The following HHAT variants were observed in gnomAD, a reference collection of about 807,000 sequenced individuals.
HHAT encodes hedgehog acyltransferase.
A neutral mutation model predicts 70.8 loss-of-function variants in HHAT; 47 were observed. The observed-to-expected ratio is 0.66, with a 90% confidence interval of 0.53 to 0.85. HHAT has a LOEUF of 0.85. Ranked by LOEUF, HHAT falls within the 40% of genes least tolerant of loss-of-function variation. The pLI is 0.00. For synonymous variants in HHAT, 228 were observed against 247.6 expected, an observed-to-expected ratio of 0.92 and a Z score of 0.74; for missense variants, 609 against 604.8, an observed-to-expected ratio of 1.01 and a Z score of -0.07.
At chr1:210,509,361 T>G (rs2094915667) in intron 8 of HHAT, among the ~76,000 whole-genome samples, 1 of 152,198 alleles carries the variant, frequency 6.6e-6, no homozygotes, top group African/African-American at 2.4e-5. Flanking sequence ...ATTTTTGGAT[T>G]TGGGATACTC....
chr1:210,649,733 G>A (rs950474342), intron 11 of HHAT, among the ~76,000 whole-genome samples: 6 of 152,216 alleles, frequency 3.9e-5, no homozygotes, highest in African/African-American at 1.4e-4. Context: ...ATGTTGGAGT[G>A]TTGGGTTTGG....
chr1:210,663,236 G>A (rs557558455), intron 11 of HHAT, among the ~76,000 whole-genome samples: 4 of 152,138 alleles, frequency 2.6e-5, no homozygotes, highest in Admixed American at 6.5e-5. Context: ...TGGGGGGACC[G>A]AGTGAGTGAG....
At chr1:210,331,051 C>T (rs1361852801) in intron 1 of HHAT, among the ~76,000 whole-genome samples, 3 of 152,218 alleles carry the variant, frequency 2.0e-5, no homozygotes, top group African/African-American at 4.8e-5. Flanking sequence ...TGAGCTCGAA[C>T]TCCTGAGCTC....
intron 6 of HHAT, among the ~76,000 whole-genome samples, chr1:210,410,871 C>T (rs1336813961): frequency 1.3e-5 from 2 of 152,128 alleles, no homozygotes; most frequent in Admixed American, 6.6e-5. Flanking sequence ...AGCAGGGAGG[C>T]AGTCAGCACC....
At chr1:210,565,600 CAG>C (rs1392999519) in intron 9 of HHAT, among the ~76,000 whole-genome samples, 2 of 152,048 alleles carry the variant, frequency 1.3e-5, no homozygotes, top group African/African-American at 4.8e-5. Flanking sequence ...GAAACGATGA[CAG>C]TGAGAGAGTT....
intron 9 of HHAT, among the ~76,000 whole-genome samples, chr1:210,581,064 C>T (rs1331703515): frequency 2.0e-5 from 3 of 152,124 alleles, no homozygotes; most frequent in Admixed American, 2.0e-4. Context: ...ATTTGCATTT[C>T]TCTGATGCTG....
At chr1:210,496,941 T>C (rs1369591277) in intron 8 of HHAT, among the ~76,000 whole-genome samples, 2 of 152,236 alleles carry the variant, frequency 1.3e-5, no homozygotes, top group Non-Finnish European at 2.9e-5. Context: ...GTATATCTGC[T>C]GGTGGTGGGT....
chr1:210,494,542 C>CTTTTTTTT lies in HHAT; in HGVS notation c.1008-18591_1008-18584dup, dbSNP rs71146226. Among the ~76,000 whole-genome samples, 305 of 82,820 alleles carry CTTTTTTTT rather than the reference C, an allele frequency of 3.7e-3. 30 individuals carry two copies. The highest frequency in any genetic ancestry group is 0.014 in the African/African-American group (279 of 19,626). The allele number at this position is 82,820 out of a possible 152,430, so 54.3% of individuals were successfully genotyped here. A position where few individuals can be genotyped will look rare whatever the true frequency, so the allele number is the denominator to read the frequency against. Reference sequence around the variant, plus strand: ...AGATCAGGAGTTCAGTTTGAAATAGCTTTTTTTTTTTTTTTTTTTTTTTTT... The same window carrying CTTTTTTTT: ...AGATCAGGAGTTCAGTTTGAAATAGCTTTTTTTTTTTTTTTTTTTTTTTTTTTTTTTTT... On this transcript the variant is annotated intron_variant, in intron 8 of 11. Coordinates refer to ENST00000261458, the MANE Select transcript of HHAT (RefSeq NM_018194.6).
chr1:210,636,400 T>G (rs1671866107), intron 11 of HHAT, among the ~76,000 whole-genome samples: 1 of 152,224 alleles, frequency 6.6e-6, no homozygotes, highest in Non-Finnish European at 1.5e-5. Context: ...TTAATGTGTT[T>G]TTGAGGTCCA....
chr1:210,371,007 C>T (rs1292998651), intron 3 of HHAT, among the ~76,000 whole-genome samples: 4 of 152,088 alleles, frequency 2.6e-5, no homozygotes, highest in Non-Finnish European at 2.9e-5. Flanking sequence ...CCTACCTGTC[C>T]GCAAATTTAC....
chr1:210,508,758 T>A (rs1260056041), intron 8 of HHAT, among the ~76,000 whole-genome samples: 1 of 152,224 alleles, frequency 6.6e-6, no homozygotes, highest in African/African-American at 2.4e-5. Flanking sequence ...ACAAAATATA[T>A]GAGGAAAAAC....
intron 7 of HHAT, among the ~76,000 whole-genome samples, chr1:210,441,055 A>AC (rs1032137451): frequency 6.6e-5 from 10 of 152,072 alleles, no homozygotes; most frequent in African/African-American, 2.2e-4. Flanking sequence ...TGAGGATGCC[A>AC]CCCCCTCCTA....
At chr1:210,435,118 A>C (rs775352925) in intron 7 of HHAT, among the ~76,000 whole-genome samples, 1 of 151,718 alleles carries the variant, frequency 6.6e-6, no homozygotes, top group Non-Finnish European at 1.5e-5. Context: ...ACCTCTTTTC[A>C]TCCTCCCCTC....
intron 9 of HHAT, among the ~76,000 whole-genome samples, chr1:210,516,880 G>T (rs944415003): frequency 6.6e-6 from 1 of 152,238 alleles, no homozygotes; most frequent in Non-Finnish European, 1.5e-5. Context: ...GCATTTGCAA[G>T]GAGGGACATG....
At chr1:210,330,665 T>C (rs1405884487) in intron 1 of HHAT, among the ~76,000 whole-genome samples, 1 of 151,756 alleles carries the variant, frequency 6.6e-6, no homozygotes, top group Non-Finnish European at 1.5e-5. Context: ...CTGCACCCCC[T>C]GCTTCCAGCT....
chr1:210,614,383 G>A (rs975529210), intron 10 of HHAT, among the ~76,000 whole-genome samples: 4 of 151,780 alleles, frequency 2.6e-5, no homozygotes, highest in East Asian at 1.9e-4. Context: ...TTGGATGCTC[G>A]TTCTATTGTT....
At chr1:210,361,508 C>G (rs1215963985) in intron 2 of HHAT, among the ~76,000 whole-genome samples, 1 of 151,798 alleles carries the variant, frequency 6.6e-6, no homozygotes, top group African/African-American at 2.4e-5. Context: ...TCTGTTGTTA[C>G]TAAATGTTGC....
At chr1:210,463,121 G>A (rs962960132) in intron 7 of HHAT, 2 of 149,570 alleles carry the variant, frequency 1.3e-5, no homozygotes, top group African/African-American at 5.0e-5. Flanking sequence ...TAGACCTCAG[G>A]CCTTCATGTG....
At chr1:210,562,910 G>GT (rs1287163790) in intron 9 of HHAT, among the ~76,000 whole-genome samples, 1 of 149,428 alleles carries the variant, frequency 6.7e-6, no homozygotes, top group East Asian at 2.0e-4. Context: ...GCGGTGTTTG[G>GT]TTTTTTTGTC....
Sources: allele counts gnomAD v4.1 joint callset (sites outside exome capture counted in the v4.1 genomes callset), GRCh38; gene constraint gnomAD v4.1.1; transcripts MANE v1.5; gene names NCBI Gene and HGNC (gene_info 2026-07-23, HGNC 2026-07-21).